Variants in GLIS1 observed in about 807,000 individuals in gnomAD.
GLIS1 encodes zinc finger protein GLIS1.
In GLIS1, 24 loss-of-function variants were observed where a neutral mutation model predicts 63.8. The observed-to-expected ratio is 0.38, with a 90% CI of 0.27 to 0.53. The LOEUF is 0.53. Ranked by LOEUF, GLIS1 falls within the 20% of genes least tolerant of loss-of-function variation. The pLI, the probability that GLIS1 is intolerant of heterozygous loss-of-function variation, is 0.85. For missense variants in GLIS1, 1,036 were observed against 1,074.1 expected (o/e 0.96, Z 0.50); for synonymous variants, 450 against 482.5 (o/e 0.93, Z 0.88).
chr1:53,633,394 AGT>A (rs1402948433), intron 2 of GLIS1, among the ~76,000 whole-genome samples: 1 of 131,058 alleles, frequency 7.6e-6, no homozygotes, highest in Non-Finnish European at 1.6e-5. Context: ...CTTGTGAATG[AGT>A]GTGACTGAGG....
chr1:53,587,207 C>T (rs1321156438), intron 4 of GLIS1, among the ~76,000 whole-genome samples: 11 of 152,192 alleles, frequency 7.2e-5, no homozygotes, highest in Admixed American at 7.2e-4. Flanking sequence ...ATAAAGCAGG[C>T]ATCCCTGGGT....
intron 2 of GLIS1, among the ~76,000 whole-genome samples, chr1:53,701,998 GAAAAAAAAAAAAA>G (rs919008620): frequency 2.0e-4 from 11 of 56,298 alleles, no homozygotes; most frequent in African/African-American, 3.4e-4. Flanking sequence ...ACCTAAAAAA[GAAAAAAAAAAAAA>G]AAAAAAAAAA....
intron 7 of GLIS1, among the ~76,000 whole-genome samples, chr1:53,517,817 G>C (rs555338124): frequency 6.6e-6 from 1 of 152,132 alleles, no homozygotes; most frequent in Admixed American, 6.5e-5. Flanking sequence ...CCTGCCCCGG[G>C]GCCAGGTCCC....
chr1:53,630,501 T>C (rs1645640140), intron 2 of GLIS1, among the ~76,000 whole-genome samples: 1 of 151,848 alleles, frequency 6.6e-6, no homozygotes, highest in East Asian at 1.9e-4. Context: ...TTCTTTCTTT[T>C]TTTTTTTTTT....
chr1:53,546,538 C>T (rs111889576), intron 4 of GLIS1, among the ~76,000 whole-genome samples: 19 of 152,308 alleles, frequency 1.2e-4, no homozygotes, highest in African/African-American at 3.6e-4. Context: ...TTCTGGAAAA[C>T]GGGGTTAACA....
intron 2 of GLIS1, among the ~76,000 whole-genome samples, chr1:53,637,970 C>T (rs995745295): frequency 6.6e-6 from 1 of 152,188 alleles, no homozygotes; most frequent in Non-Finnish European, 1.5e-5. Flanking sequence ...GCCAGGGGAC[C>T]AGCTGGACAC....
intron 2 of GLIS1, among the ~76,000 whole-genome samples, chr1:53,720,073 G>C (rs1335048417): frequency 6.6e-6 from 1 of 152,202 alleles, no homozygotes; most frequent in Non-Finnish European, 1.5e-5. Flanking sequence ...CTACTCAGGA[G>C]TCTGAGGCAG....
chr1:53,677,906 T>G (rs761155172), intron 2 of GLIS1, among the ~76,000 whole-genome samples: 1 of 152,164 alleles, frequency 6.6e-6, no homozygotes, highest in Non-Finnish European at 1.5e-5. Flanking sequence ...TACTTTCCCC[T>G]CTGAGCCTCA....
chr1:53,556,060 C>G (rs1644819428), intron 4 of GLIS1, among the ~76,000 whole-genome samples: 1 of 98,314 alleles, frequency 1.0e-5, no homozygotes, highest in Non-Finnish European at 1.9e-5. Context: ...TGTGTGTATG[C>G]AGGTATACTG....
At chr1:53,600,920 C>T (rs1028770820) in intron 2 of GLIS1, among the ~76,000 whole-genome samples, 1 of 152,204 alleles carries the variant, frequency 6.6e-6, no homozygotes, top group South Asian at 2.1e-4. Context: ...TAGTGGGTTT[C>T]TAGGAAGATT....
chr1:53,569,697 AAAG>A (rs1644966787), intron 4 of GLIS1, among the ~76,000 whole-genome samples: 1 of 151,960 alleles, frequency 6.6e-6, no homozygotes, highest in Non-Finnish European at 1.5e-5. Context: ...AGAAATATCA[AAAG>A]AATCTACACA....
At chr1:53,714,090 G>A (rs528511308) in intron 2 of GLIS1, among the ~76,000 whole-genome samples, 102 of 152,288 alleles carry the variant, frequency 6.7e-4, no homozygotes, top group Non-Finnish European at 1.2e-3. Flanking sequence ...GAAAGAAACC[G>A]GAAACAGCAA....
chr1:53,586,698 T>C (rs1009364083), intron 4 of GLIS1, among the ~76,000 whole-genome samples: 1 of 152,182 alleles, frequency 6.6e-6, no homozygotes, highest in Non-Finnish European at 1.5e-5. Context: ...AGGTTTCAAA[T>C]TCAGGCTTTC....
intron 4 of GLIS1, among the ~76,000 whole-genome samples, chr1:53,582,068 C>A (rs1645090582): frequency 6.6e-6 from 1 of 152,164 alleles, no homozygotes; most frequent in Non-Finnish European, 1.5e-5. Flanking sequence ...GCTCTGAACC[C>A]CTGGCCTCAC....
intron 2 of GLIS1, among the ~76,000 whole-genome samples, chr1:53,621,786 T>C (rs3006902): frequency 0.99 from 151,322 of 152,322 alleles, 75,172 homozygotes; most frequent in Middle Eastern, 1. Context: ...TCATTTGATT[T>C]GGTCATCAGA....
At chr1:53,686,642 G>A (rs910877066) in intron 2 of GLIS1, among the ~76,000 whole-genome samples, 4 of 152,208 alleles carry the variant, frequency 2.6e-5, no homozygotes, top group African/African-American at 9.6e-5. Context: ...TCTCTGGCCA[G>A]GGGAACTGAC....
At chr1:53,733,821 G>A in intron 2 of GLIS1, 1 of 718,316 alleles carries the variant, frequency 1.4e-6, no homozygotes, top group Non-Finnish European at 1.7e-6. Flanking sequence ...CGGATCGCAG[G>A]ACCAGCACTT....
At chr1:53,629,319 T>C (rs1023601988) in intron 2 of GLIS1, among the ~76,000 whole-genome samples, 1 of 152,148 alleles carries the variant, frequency 6.6e-6, no homozygotes, top group Non-Finnish European at 1.5e-5. Flanking sequence ...CAATCCCCTC[T>C]GTGCTTCACA....
chr1:53,514,147 C>T (rs1303356102), intron 8 of GLIS1, among the ~76,000 whole-genome samples: 1 of 152,222 alleles, frequency 6.6e-6, no homozygotes, highest in Non-Finnish European at 1.5e-5. Flanking sequence ...TCCCAGGCAG[C>T]CCCCCGCAGG....
Sources: allele counts gnomAD v4.1 joint callset (sites outside exome capture counted in the v4.1 genomes callset), GRCh38; gene constraint gnomAD v4.1.1; transcripts MANE v1.5; gene names NCBI Gene and HGNC (gene_info 2026-07-23, HGNC 2026-07-21).